Variants in FSTL5 observed in about 807,000 individuals in gnomAD.
The protein encoded by FSTL5 is follistatin-related protein 5.
A neutral mutation model predicts 89.1 loss-of-function variants in FSTL5; 62 were observed. The ratio of observed to expected loss-of-function variants is 0.70; its 90% CI spans 0.57 to 0.86. The LOEUF is 0.86. Ranked by LOEUF, FSTL5 falls within the 40% of genes least tolerant of loss-of-function variation. The pLI, the probability that FSTL5 is intolerant of heterozygous loss-of-function variation, is 0.00. For missense variants in FSTL5, 1,057 were observed against 1,001.6 expected, an observed-to-expected ratio of 1.06 and a Z score of -0.75; for synonymous variants, 383 against 346.2, an observed-to-expected ratio of 1.11 and a Z score of -1.18.
At chr4:162,137,101 T>C (rs1579056211) in intron 1 of FSTL5, among the ~76,000 whole-genome samples, 1 of 152,090 alleles carries the variant, frequency 6.6e-6, no homozygotes, top group Non-Finnish European at 1.5e-5. Flanking sequence ...AAATATACTT[T>C]AACTTTTTCT....
chr4:161,669,884 T>G (rs1737036361), intron 6 of FSTL5, among the ~76,000 whole-genome samples: 1 of 152,110 alleles, frequency 6.6e-6, no homozygotes, highest in Non-Finnish European at 1.5e-5. Flanking sequence ...AGAAATTAAG[T>G]GTCCTTAAGG....
chr4:161,819,338 A>T (rs771633570), intron 4 of FSTL5, among the ~76,000 whole-genome samples: 3 of 152,146 alleles, frequency 2.0e-5, no homozygotes, highest in Non-Finnish European at 2.9e-5. Flanking sequence ...CTCAACAAAC[A>T]GAAGGCAAAT....
chr4:161,394,574 C>T (rs1730937569), intron 15 of FSTL5, among the ~76,000 whole-genome samples: 1 of 152,120 alleles, frequency 6.6e-6, no homozygotes, highest in Non-Finnish European at 1.5e-5. Context: ...TGCACCTGGC[C>T]AATACACGTA....
At chr4:161,550,605 T>C (rs1306415052) in intron 8 of FSTL5, among the ~76,000 whole-genome samples, 3 of 150,660 alleles carry the variant, frequency 2.0e-5, no homozygotes, top group Admixed American at 6.6e-5. Context: ...TATTATACTT[T>C]AAGTTTTAGG....
At chr4:161,585,587 T>TAAAA (rs34372995) in intron 8 of FSTL5, among the ~76,000 whole-genome samples, 3,564 of 102,496 alleles carry the variant, frequency 0.035, 196 homozygotes, top group African/African-American at 0.12. Flanking sequence ...TCCCTAATGC[T>TAAAA]AAAAAAAAAA....
intron 15 of FSTL5, among the ~76,000 whole-genome samples, chr4:161,446,983 C>T (rs1274648342): frequency 6.6e-6 from 1 of 151,932 alleles, no homozygotes; most frequent in Admixed American, 6.6e-5. Context: ...CATATATATT[C>T]GCTTATATTT....
In FSTL5 at chr4:161,890,747, A is replaced by T. The variant is rs182478844; in HGVS notation, c.409+29657T>A. On this transcript the variant is annotated intron_variant, in intron 4 of 15. Coordinates refer to ENST00000306100, the MANE Select transcript of FSTL5 (RefSeq NM_020116.5). ...TATCTCTAGTGTTATTTTGTGTAAA[A>T]TGAGGAAAAATATGTGGAAATACTT... 1.4e-4 allele frequency among the ~76,000 whole-genome samples: 22 copies of T among 152,142 alleles called. No homozygotes were observed. In the East Asian group the frequency reaches 4.1e-3, roughly 28 times the overall value.
intron 3 of FSTL5, among the ~76,000 whole-genome samples, chr4:162,004,517 T>A (rs763827752): frequency 6.6e-6 from 1 of 152,138 alleles, no homozygotes; most frequent in Non-Finnish European, 1.5e-5. Flanking sequence ...AGTTCATTCC[T>A]CAGGGTTTTT....
At chr4:161,979,476 A>C (rs533311167) in intron 3 of FSTL5, among the ~76,000 whole-genome samples, 1 of 151,898 alleles carries the variant, frequency 6.6e-6, no homozygotes, top group Non-Finnish European at 1.5e-5. Flanking sequence ...TTGTCCTCTT[A>C]CCATTTATTA....
At chr4:161,785,621 A>G (rs1489766740) in intron 4 of FSTL5, among the ~76,000 whole-genome samples, 1 of 152,178 alleles carries the variant, frequency 6.6e-6, no homozygotes, top group East Asian at 1.9e-4. Context: ...CTATATGAGA[A>G]ATGTATATCA....
At chr4:162,121,882 T>G (rs534924775) in intron 1 of FSTL5, among the ~76,000 whole-genome samples, 2 of 152,218 alleles carry the variant, frequency 1.3e-5, no homozygotes, top group African/African-American at 4.8e-5. Context: ...ATGAAGACCT[T>G]TATAATGACT....
At chr4:161,666,931 C>CT (rs1429323114) in intron 6 of FSTL5, among the ~76,000 whole-genome samples, 1 of 151,978 alleles carries the variant, frequency 6.6e-6, no homozygotes, top group Non-Finnish European at 1.5e-5. Context: ...GAGTAAAAGA[C>CT]TTTTCAATGA....
chr4:161,953,547 C>T (rs2110959408), intron 3 of FSTL5, among the ~76,000 whole-genome samples: 1 of 151,712 alleles, frequency 6.6e-6, no homozygotes. Flanking sequence ...AAACTCATTT[C>T]ACTGATTAGT....
chr4:161,410,869 T>A (rs1731561138), intron 15 of FSTL5, among the ~76,000 whole-genome samples: 1 of 138,448 alleles, frequency 7.2e-6, no homozygotes, highest in African/African-American at 2.7e-5. Context: ...AGAAAGGAAA[T>A]AACTAAAATT....
chr4:161,438,713 T>G (rs569097115), intron 15 of FSTL5, among the ~76,000 whole-genome samples: 1 of 152,168 alleles, frequency 6.6e-6, no homozygotes, highest in Non-Finnish European at 1.5e-5. Flanking sequence ...AAAATTAAAT[T>G]GATGAATCAA....
rs10015314 is a variant in FSTL5 at position 161,593,612 on chromosome 4, T to G, written c.895-6037A>C. Among the ~76,000 whole-genome samples the G allele has an allele frequency of 2.4e-3, 365 of 151,774 alleles. 3 individuals carry two copies. Among genetic ancestry groups the G allele is most frequent in the African/African-American group, 8.7e-3 (358 of 41,386 alleles). On this transcript the variant is annotated intron_variant, in intron 7 of 15. Transcript: ENST00000306100. ...GGGGAGGAAAGGGAGGCAAGGGGAATCATACTGTACACTCTGGCTGTCATA... is the reference window on the plus strand; with the variant it reads ...GGGGAGGAAAGGGAGGCAAGGGGAAGCATACTGTACACTCTGGCTGTCATA...
At chr4:161,846,847 TATG>T (rs1731384302) in intron 4 of FSTL5, among the ~76,000 whole-genome samples, 1 of 152,230 alleles carries the variant, frequency 6.6e-6, no homozygotes, top group South Asian at 2.1e-4. Flanking sequence ...AGGCATTTAC[TATG>T]ATATTTTTTG....
chr4:161,510,910 T>C (rs1056487939), intron 10 of FSTL5, among the ~76,000 whole-genome samples: 3 of 151,972 alleles, frequency 2.0e-5, no homozygotes, highest in African/African-American at 7.2e-5. Context: ...GAACAACAAA[T>C]TGGCCTATTT....
chr4:162,090,947 T>C (rs1579019616), intron 2 of FSTL5, among the ~76,000 whole-genome samples: 1 of 152,130 alleles, frequency 6.6e-6, no homozygotes, highest in Non-Finnish European at 1.5e-5. Flanking sequence ...TGTACTCTTG[T>C]TTACAGAGCC....
Sources: allele counts gnomAD v4.1 joint callset (sites outside exome capture counted in the v4.1 genomes callset), GRCh38; gene constraint gnomAD v4.1.1; transcripts MANE v1.5; gene names NCBI Gene and HGNC (gene_info 2026-07-23, HGNC 2026-07-21).